The following GNAO1 variants were observed in gnomAD, a reference collection of about 807,000 sequenced individuals.
GNAO1 encodes guanine nucleotide-binding protein G(o) subunit alpha.
For missense variants in GNAO1, 166 were observed against 478.7 expected (o/e 0.35, Z 6.10); for synonymous variants, 164 against 180.7 (o/e 0.91, Z 0.74).
rs1252310270 is a variant in GNAO1 at position 56,208,448 on chromosome 16, T to TGCGC, written c.161+15841_161+15844dup. Among the ~76,000 whole-genome samples, 5 of 50,226 alleles carry TGCGC rather than the reference T, an allele frequency of 1.0e-4. 1 individual carries two copies. The highest frequency in any genetic ancestry group is 1.4e-4 in the Non-Finnish European group (3 of 20,796). 33.0% of individuals were successfully genotyped at this position (50,226 alleles called of 152,430 possible). ...GTGTGTGTGTGTGTGTGTGTGTGTG[T>TGCGC]GCGCGCGCGCGCACGTGTGTGTGTG... On this transcript the variant is annotated intron_variant, in intron 2 of 8. Transcript: ENST00000262493.
chr16:56,267,184 G>A (rs1284279533), intron 2 of GNAO1, among the ~76,000 whole-genome samples: 10 of 152,180 alleles, frequency 6.6e-5, no homozygotes, highest in Admixed American at 4.6e-4. Context: ...CTCTCTCCCC[G>A]TTCCCCTGGG....
intron 3 of GNAO1, among the ~76,000 whole-genome samples, chr16:56,282,091 C>T (rs2037119989): frequency 6.6e-6 from 1 of 152,138 alleles, no homozygotes; most frequent in South Asian, 2.1e-4. Context: ...CTATAAACTC[C>T]TTAAGGGCAG....
intron 1 of GNAO1, 47 bp from the exon 2 acceptor site, chr16:56,192,527 T>C: frequency 1.1e-6 from 1 of 933,704 alleles, no homozygotes; most frequent in Non-Finnish European, 1.6e-6. Flanking sequence ...CCCTGTTCCC[T>C]TAAGCTGACA....
At chr16:56,319,956 C>G (rs1312229458) in intron 3 of GNAO1, among the ~76,000 whole-genome samples, 1 of 152,170 alleles carries the variant, frequency 6.6e-6, no homozygotes, top group Non-Finnish European at 1.5e-5. Context: ...CTCATCTCCA[C>G]TGTGGCAGCT....
intron 5 of GNAO1, among the ~76,000 whole-genome samples, chr16:56,335,076 G>C (rs1006003546): frequency 6.6e-6 from 1 of 152,238 alleles, no homozygotes; most frequent in African/African-American, 2.4e-5. Context: ...TTCCCAGAGT[G>C]GGGCTGTGAG....
chr16:56,306,398 C>G (rs537718863), intron 3 of GNAO1, among the ~76,000 whole-genome samples: 2 of 152,206 alleles, frequency 1.3e-5, no homozygotes, highest in African/African-American at 2.4e-5. Flanking sequence ...AAGCTGCCCC[C>G]GCTCCTTCAG....
intron 3 of GNAO1, among the ~76,000 whole-genome samples, chr16:56,295,981 A>AT (rs1390405620): frequency 6.6e-6 from 1 of 152,230 alleles, no homozygotes; most frequent in Non-Finnish European, 1.5e-5. Flanking sequence ...CAGAGCCTCT[A>AT]TTAGGGACCT....
intron 2 of GNAO1, among the ~76,000 whole-genome samples, chr16:56,197,245 G>C (rs1238808685): frequency 6.6e-6 from 1 of 152,218 alleles, no homozygotes; most frequent in Non-Finnish European, 1.5e-5. Flanking sequence ...ATTCTACTGA[G>C]AGCCACTCTT....
intron 2 of GNAO1, chr16:56,193,682 A>G (rs1279352501): frequency 1.5e-5 from 3 of 195,452 alleles, no homozygotes; most frequent in Non-Finnish European, 3.2e-5. Context: ...TTCTTGCCCT[A>G]TCCACTCGGC....
chr16:56,254,652 A>G (rs185077750), intron 2 of GNAO1, among the ~76,000 whole-genome samples: 9 of 152,198 alleles, frequency 5.9e-5, no homozygotes, highest in Admixed American at 5.9e-4. Flanking sequence ...TCTGTTTTTA[A>G]TGAGTAATCT....
chr16:56,340,057 C>T (rs1172594831), intron 6 of GNAO1, among the ~76,000 whole-genome samples: 4 of 152,242 alleles, frequency 2.6e-5, no homozygotes, highest in African/African-American at 7.2e-5. Context: ...ACCGGGCTCT[C>T]TGCAGGAGCT....
intron 2 of GNAO1, among the ~76,000 whole-genome samples, chr16:56,194,859 G>A (rs1299031609): frequency 7.2e-5 from 11 of 152,194 alleles, no homozygotes; most frequent in African/African-American, 2.2e-4. Flanking sequence ...AGAGAGCTGA[G>A]CTCTCTGAGG....
At chr16:56,323,907 A>C (rs1165478730) in intron 3 of GNAO1, among the ~76,000 whole-genome samples, 1 of 152,166 alleles carries the variant, frequency 6.6e-6, no homozygotes, top group East Asian at 1.9e-4. Flanking sequence ...AGCAGATCTG[A>C]AAGAAGAACT....
chr16:56,279,349 G>A (rs1277029515), intron 3 of GNAO1, among the ~76,000 whole-genome samples: 2 of 152,150 alleles, frequency 1.3e-5, no homozygotes, highest in Non-Finnish European at 2.9e-5. Flanking sequence ...GACTGTGCGT[G>A]AGCCTGAACC....
chr16:56,237,427 C>T (rs866578373), intron 2 of GNAO1, among the ~76,000 whole-genome samples: 9 of 152,196 alleles, frequency 5.9e-5, no homozygotes, highest in Middle Eastern at 6.8e-3. Context: ...AGCAATGCCA[C>T]AGGATGCCTG....
chr16:56,295,561 C>G (rs2037278962), intron 3 of GNAO1, among the ~76,000 whole-genome samples: 1 of 152,156 alleles, frequency 6.6e-6, no homozygotes, highest in Non-Finnish European at 1.5e-5. Context: ...TCCCTTCCAC[C>G]TTTAAATCGA....
At chr16:56,199,724 A>G (rs1015625334) in intron 2 of GNAO1, among the ~76,000 whole-genome samples, 1 of 152,238 alleles carries the variant, frequency 6.6e-6, no homozygotes, top group Non-Finnish European at 1.5e-5. Context: ...AAGATGCAGT[A>G]AATGCAAAGA....
At chr16:56,308,228 T>G (rs1366261728) in intron 3 of GNAO1, 3 of 152,248 alleles carry the variant, frequency 2.0e-5, no homozygotes, top group Admixed American at 2.0e-4. Context: ...ACAAATGACC[T>G]GGCAGTTTTT....
chr16:56,208,293 A>AT, intron 2 of GNAO1, among the ~76,000 whole-genome samples: 1 of 152,230 alleles, frequency 6.6e-6, no homozygotes, highest in South Asian at 2.1e-4. Context: ...TCTTCACCTC[A>AT]TTGCTATATA....
Sources: allele counts gnomAD v4.1 joint callset (sites outside exome capture counted in the v4.1 genomes callset), GRCh38; gene constraint gnomAD v4.1.1; transcripts MANE v1.5; gene names NCBI Gene and HGNC (gene_info 2026-07-23, HGNC 2026-07-21).